CMSS1: variants seen among roughly 807,000 people sequenced by gnomAD.
CMSS1 encodes the protein protein CMSS1.
In CMSS1, 33 loss-of-function variants were observed where a neutral mutation model predicts 43.5. The observed-to-expected ratio is 0.76, with a 90% CI of 0.57 to 1.01. The LOEUF (loss-of-function observed/expected upper bound fraction) is 1.01. Among genes scored for constraint, CMSS1 ranks in the 50% least tolerant of loss-of-function variants. CMSS1 has a pLI of 0.00. For missense variants in CMSS1, 313 were observed against 326.4 expected, an observed-to-expected ratio of 0.96 and a Z score of 0.32; for synonymous variants, 115 against 117.2, an observed-to-expected ratio of 0.98 and a Z score of 0.12.
At chr3:99,950,319 C>T (rs1342344188) in intron 1 of CMSS1, among the ~76,000 whole-genome samples, 1 of 152,288 alleles carries the variant, frequency 6.6e-6, no homozygotes, top group East Asian at 1.9e-4. Flanking sequence ...GAAATTTTTA[C>T]AGCATCTCAT....
chr3:100,070,626 G>T lies in CMSS1; in HGVS notation c.65-76347G>T, dbSNP rs555640375. On this transcript the variant is annotated intron_variant, in intron 1 of 9. Coordinates refer to ENST00000421999, the MANE Select transcript of CMSS1 (RefSeq NM_032359.4). ...CTTCATATCATCGTGGGGTTTTTTT[G>T]TTGTTGTTGTTTTTCTTTTTTTGAG... is the stretch of plus-strand genomic sequence containing the variant. Among the ~76,000 whole-genome samples the T allele has an allele frequency of 7.2e-5, 11 of 152,104 alleles. No individual in the cohort carries two copies. In the East Asian group the frequency reaches 1.7e-3, roughly 24 times the overall value.
At chr3:100,100,995 A>C (rs1400836814) in intron 1 of CMSS1, among the ~76,000 whole-genome samples, 1 of 152,140 alleles carries the variant, frequency 6.6e-6, no homozygotes, top group African/African-American at 2.4e-5. Flanking sequence ...AAAGTGTGTG[A>C]TGACAGTGGC....
chr3:99,916,332 C>G (rs183357575), intron 1 of CMSS1, among the ~76,000 whole-genome samples: 2 of 152,170 alleles, frequency 1.3e-5, no homozygotes, highest in Non-Finnish European at 2.9e-5. Flanking sequence ...TCAGGTCTTT[C>G]GGCTACATGA....
rs571482567 is a variant in CMSS1, at chr3:99,964,656, C to T, written c.64+146613C>T. Among the ~76,000 whole-genome samples, 4 of 152,170 alleles carry T rather than the reference C, an allele frequency of 2.6e-5. No individual in the cohort carries two copies. In the South Asian group the frequency reaches 8.3e-4, roughly 32 times the overall value. On this transcript the variant is annotated intron_variant, in intron 1 of 9. Transcript: ENST00000421999. ...ATGTGTTTCCTAAGCTAGAGCTTCC[C>T]AACCTGTTTCTCAATATGGCTCACA...
At chr3:100,061,528 G>A (rs1328455136) in intron 1 of CMSS1, among the ~76,000 whole-genome samples, 1 of 152,170 alleles carries the variant, frequency 6.6e-6, no homozygotes, top group Non-Finnish European at 1.5e-5. Flanking sequence ...TGCAGAGAAT[G>A]AAAAGAAGAA....
intron 4 of CMSS1, among the ~76,000 whole-genome samples, chr3:100,163,422 A>G (rs1399148336): frequency 2.0e-5 from 3 of 152,238 alleles, no homozygotes; most frequent in Admixed American, 2.0e-4. Flanking sequence ...TGCGAGGCTG[A>G]CACTTTGCCT....
chr3:99,983,456 A>G (rs868383080), intron 1 of CMSS1, among the ~76,000 whole-genome samples: 677 of 9,748 alleles, frequency 0.069, 19 homozygotes, highest in African/African-American at 0.21. Context: ...GTATATATAT[A>G]TATGTGTGTA....
chr3:99,913,821 A>T (rs148127916), intron 1 of CMSS1, among the ~76,000 whole-genome samples: 1 of 152,376 alleles, frequency 6.6e-6, no homozygotes, highest in African/African-American at 2.4e-5. Flanking sequence ...AAAACGTAGA[A>T]AACACATATT....
At chr3:99,874,784 T>A (rs1342904565) in intron 1 of CMSS1, among the ~76,000 whole-genome samples, 1 of 152,246 alleles carries the variant, frequency 6.6e-6, no homozygotes, top group Non-Finnish European at 1.5e-5. Context: ...AAATCTGGGA[T>A]CTGACATTTT....
intron 1 of CMSS1, among the ~76,000 whole-genome samples, chr3:99,921,833 A>G (rs2107651280): frequency 1.3e-5 from 2 of 152,232 alleles, no homozygotes; most frequent in South Asian, 4.2e-4. Flanking sequence ...CATTTTTCCC[A>G]CAATTTTTCT....
intron 1 of CMSS1, among the ~76,000 whole-genome samples, chr3:100,094,030 A>G (rs541462684): frequency 6.6e-6 from 1 of 152,174 alleles, no homozygotes; most frequent in Non-Finnish European, 1.5e-5. Context: ...TACTGTACCA[A>G]CTTACATTCC....
intron 1 of CMSS1, among the ~76,000 whole-genome samples, chr3:100,122,147 G>A (rs1456685885): frequency 6.6e-6 from 1 of 152,212 alleles, no homozygotes; most frequent in Non-Finnish European, 1.5e-5. Context: ...AAAAGTTTGG[G>A]CCTATACCCT....
At chr3:100,109,145 G>A (rs770540230) in intron 1 of CMSS1, among the ~76,000 whole-genome samples, 9 of 149,468 alleles carry the variant, frequency 6.0e-5, no homozygotes, top group African/African-American at 1.2e-4. Flanking sequence ...CAATTCTTCC[G>A]CTGTAAATCA....
At chr3:99,836,303 A>G (rs1051812500) in intron 1 of CMSS1, among the ~76,000 whole-genome samples, 6 of 152,170 alleles carry the variant, frequency 3.9e-5, no homozygotes, top group African/African-American at 1.2e-4. Context: ...TAGTTCCCAG[A>G]TGTTGAACCT....
chr3:100,077,746 C>T (rs900073702), intron 1 of CMSS1, among the ~76,000 whole-genome samples: 71 of 152,008 alleles, frequency 4.7e-4, no homozygotes, highest in African/African-American at 1.5e-3. Flanking sequence ...CCTGTCTCTA[C>T]AAGAAATAAA....
intron 1 of CMSS1, among the ~76,000 whole-genome samples, chr3:100,086,109 A>T (rs758337765): frequency 1.3e-5 from 2 of 152,236 alleles, no homozygotes; most frequent in Non-Finnish European, 2.9e-5. Flanking sequence ...TTAATGAAAT[A>T]AACATGTATC....
intron 1 of CMSS1, among the ~76,000 whole-genome samples, chr3:100,030,935 G>A (rs1173279829): frequency 6.6e-6 from 1 of 152,042 alleles, no homozygotes; most frequent in African/African-American, 2.4e-5. Context: ...ATATAGATTT[G>A]CATTATAATA....
chr3:99,837,029 C>T (rs1461975855), intron 1 of CMSS1, among the ~76,000 whole-genome samples: 1 of 152,172 alleles, frequency 6.6e-6, no homozygotes, highest in African/African-American at 2.4e-5. Context: ...TAGTAATAAT[C>T]GTCCATTGTT....
intron 1 of CMSS1, among the ~76,000 whole-genome samples, chr3:100,020,499 G>A (rs747867791): frequency 1.7e-4 from 26 of 152,152 alleles, no homozygotes; most frequent in Admixed American, 2.6e-4. Context: ...CGTTTTGAAG[G>A]CCTCAGGTAG....
Sources: gnomAD v4.1 joint callset for allele counts (sites outside exome capture counted in the v4.1 genomes callset) on GRCh38, gnomAD v4.1.1 for gene constraint, MANE v1.5 for transcripts, NCBI Gene and HGNC (gene_info 2026-07-23, HGNC 2026-07-21) for gene names.